Variants in NCEH1 observed in about 807,000 individuals in gnomAD.
NCEH1 encodes 2-acetyl MAGE hydrolase.
Under a neutral mutation model 25.4 loss-of-function variants are expected in NCEH1, and 9 were observed. The observed-to-expected ratio is 0.35, with a 90% CI of 0.21 to 0.62. NCEH1 has a LOEUF of 0.62. NCEH1 is among the 20% of genes least tolerant of loss of function. The pLI is 0.72. For synonymous variants in NCEH1, 200 were observed against 199.8 expected, an observed-to-expected ratio of 1.00 and a Z score of -0.01; for missense variants, 412 against 501.1, an observed-to-expected ratio of 0.82 and a Z score of 1.70.
chr3:172,679,932 T>A (rs1712249218), intron 1 of NCEH1, among the ~76,000 whole-genome samples: 2 of 152,186 alleles, frequency 1.3e-5, no homozygotes, highest in Non-Finnish European at 2.9e-5. Context: ...ACACACCTGG[T>A]CAAACCAATC....
intron 1 of NCEH1, among the ~76,000 whole-genome samples, chr3:172,709,542 T>C (rs542959385): frequency 1.3e-5 from 2 of 152,296 alleles, no homozygotes; most frequent in South Asian, 4.1e-4. Context: ...CAGGGGTCTA[T>C]AGCTTCATAG....
At chr3:172,705,853 C>T (rs1368247246) in intron 1 of NCEH1, among the ~76,000 whole-genome samples, 2 of 151,996 alleles carry the variant, frequency 1.3e-5, no homozygotes, top group East Asian at 3.9e-4. Context: ...CAACAATTAG[C>T]CAGGCATGGT....
chr3:172,681,562 C>CCATT (rs1158571467), intron 1 of NCEH1, among the ~76,000 whole-genome samples: 3 of 151,868 alleles, frequency 2.0e-5, no homozygotes, highest in African/African-American at 7.3e-5. Flanking sequence ...ATACATCACA[C>CCATT]CATTACACTA....
intron 1 of NCEH1, among the ~76,000 whole-genome samples, chr3:172,664,358 C>T (rs992875894): frequency 1.2e-4 from 19 of 152,322 alleles, no homozygotes; most frequent in Admixed American, 3.3e-4. Flanking sequence ...TCCCTTTGTA[C>T]GTAACCTGAC....
intron 1 of NCEH1, among the ~76,000 whole-genome samples, chr3:172,660,214 G>A (rs1717910148): frequency 1.3e-5 from 2 of 149,948 alleles, no homozygotes; most frequent in South Asian, 4.2e-4. Flanking sequence ...CTATGAGTGA[G>A]AACATGCAGT....
intron 1 of NCEH1, among the ~76,000 whole-genome samples, chr3:172,692,215 AAAG>A (rs1217898506): frequency 6.6e-6 from 1 of 152,220 alleles, no homozygotes; most frequent in African/African-American, 2.4e-5. Flanking sequence ...AGACAGACTT[AAAG>A]AAGTTTCTAT....
intron 1 of NCEH1, among the ~76,000 whole-genome samples, chr3:172,708,094 GA>G (rs1576788991): frequency 1.3e-5 from 2 of 151,930 alleles, no homozygotes; most frequent in East Asian, 3.9e-4. Flanking sequence ...GAACCCCAAG[GA>G]AAAAAAGCAC....
chr3:172,692,403 C>G (rs1280924989), intron 1 of NCEH1, among the ~76,000 whole-genome samples: 1 of 152,140 alleles, frequency 6.6e-6, no homozygotes, highest in African/African-American at 2.4e-5. Flanking sequence ...GTTGCCCAAG[C>G]TAGAGGGCTG....
Position 172,682,418 on chromosome 3 carries a change from G to A in NCEH1, c.138+28429C>T, listed in dbSNP as rs183776712. 3.6e-3 allele frequency among the ~76,000 whole-genome samples: 542 copies of A among 152,144 alleles called. 4 individuals carry two copies. Among genetic ancestry groups the A allele is most frequent in the African/African-American group, 0.012 (509 of 41,518 alleles). On this transcript the variant is annotated intron_variant, in intron 1 of 4. Coordinates refer to ENST00000475381, the MANE Select transcript of NCEH1 (RefSeq NM_020792.6). ...ATCACAAATACTCTTTCCCTGTTAC[G>A]TATAAGTCCTGGGTCTGGGGGGGTA...
In NCEH1 at chr3:172,633,937, G is replaced by A. The variant is rs769915001; in HGVS notation, c.765C>T (p.Tyr255=). 6 of 1,614,120 alleles carry A rather than the reference G, an allele frequency of 3.7e-6. No homozygotes were observed. In the African/African-American group the frequency reaches 6.7e-5, roughly 18 times the overall value. Residue 255 remains tyrosine, a synonymous_variant, in exon 5 of 5, where the codon TAC becomes TAT. Transcript: ENST00000475381. ...RYVMVKYWVD[Y]FKGNYDFVQA... ...GCACAAAGTCATAGTTGCCTTTGAA[G>A]TAGTCCACCCAATACTTCACCATGA... is the stretch of plus-strand genomic sequence containing the variant.
rs145129202 is a variant in NCEH1, at chr3:172,671,528, C to CACACACACATAT, written c.139-23415_139-23414insATATGTGTGTGT. Among the ~76,000 whole-genome samples the CACACACACATAT allele has an allele frequency of 1.7e-3, 228 of 137,136 alleles. 3 individuals are homozygous for CACACACACATAT. The highest frequency in any genetic ancestry group is 0.011 in the Middle Eastern group (3 of 270). The allele number at this position is 137,136 out of a possible 152,430, so 90.0% of individuals were successfully genotyped here. A position where few individuals can be genotyped will look rare whatever the true frequency, so the allele number is the denominator to read the frequency against. ...ACATACACACACACACACACACACACATATATAGATATATATACAAATATA... is the reference window on the plus strand; with the variant it reads ...ACATACACACACACACACACACACACACACACACATATATATATAGATATATATACAAATATA... On this transcript the variant is annotated intron_variant, in intron 1 of 4. Transcript: ENST00000475381.
chr3:172,636,962 GCCT>G (rs1207284380), intron 3 of NCEH1, among the ~76,000 whole-genome samples: 3 of 152,142 alleles, frequency 2.0e-5, no homozygotes, highest in East Asian at 1.9e-4. Context: ...GGAGGGTTTG[GCCT>G]CCTCTGGGCA....
intron 1 of NCEH1, among the ~76,000 whole-genome samples, chr3:172,697,091 AT>A (rs774616762): frequency 1.4e-3 from 203 of 144,452 alleles, no homozygotes; most frequent in East Asian, 6.1e-3. Flanking sequence ...TGCCCAGCTA[AT>A]TTTTTTTTTT....
At chr3:172,655,365 G>C (rs2108502081) in intron 1 of NCEH1, among the ~76,000 whole-genome samples, 1 of 152,310 alleles carries the variant, frequency 6.6e-6, no homozygotes, top group South Asian at 2.1e-4. Flanking sequence ...AGTAAAATCT[G>C]GTGGCGCACT....
intron 1 of NCEH1, among the ~76,000 whole-genome samples, chr3:172,702,153 C>A (rs114514527): frequency 1.8e-4 from 28 of 152,324 alleles, no homozygotes; most frequent in African/African-American, 6.5e-4. Context: ...CTCGTATAAA[C>A]GGTGTCATCT....
At chr3:172,664,385 G>A (rs550371970) in intron 1 of NCEH1, among the ~76,000 whole-genome samples, 2 of 152,216 alleles carry the variant, frequency 1.3e-5, no homozygotes, top group South Asian at 2.1e-4. Context: ...CTCTGGCTGC[G>A]CTTGACATTT....
At chr3:172,681,324 T>TA (rs1162697754) in intron 1 of NCEH1, 1 of 152,186 alleles carries the variant, frequency 6.6e-6, no homozygotes, top group African/African-American at 2.4e-5. Context: ...GGTTTTTAAT[T>TA]AAAATACAAT....
At chr3:172,634,727 T>A (rs1471664159) in intron 4 of NCEH1, among the ~76,000 whole-genome samples, 4 of 152,214 alleles carry the variant, frequency 2.6e-5, no homozygotes, top group African/African-American at 9.7e-5. Context: ...CCCCACAGTG[T>A]TAACATTGCC....
In NCEH1 at chr3:172,636,232, TAA is replaced by T. The variant is rs1716593346; in HGVS notation, c.438-147_438-146del. 2.0e-5 allele frequency: 10 copies of T among 493,474 alleles called. No individual in the cohort carries two copies. The South Asian group carries it at 4.7e-4, about 23-fold the overall frequency. 30.6% of individuals were successfully genotyped at this position (493,474 alleles called of 1,614,324 possible). A position where few individuals can be genotyped will look rare whatever the true frequency, so the allele number is the denominator to read the frequency against. ...TTATTGTATGAAAAAGAAAAAATAATAAAATATAAAAATAAACCATTTTCTTG... is the reference window on the plus strand; with the variant it reads ...TTATTGTATGAAAAAGAAAAAATAATAATATAAAAATAAACCATTTTCTTG... On this transcript the variant is annotated intron_variant, in intron 3 of 4. Transcript: ENST00000475381.
Sources: gnomAD v4.1 joint callset for allele counts (sites outside exome capture counted in the v4.1 genomes callset) on GRCh38, gnomAD v4.1.1 for gene constraint, MANE v1.5 for transcripts, NCBI Gene and HGNC (gene_info 2026-07-23, HGNC 2026-07-21) for gene names.